Variants in KCNB2 observed in about 807,000 individuals in gnomAD.
KCNB2 encodes the protein delayed rectifier potassium channel protein.
A neutral mutation model predicts 61.5 loss-of-function variants in KCNB2; 15 were observed. The observed-to-expected ratio is 0.24, with a 90% CI of 0.16 to 0.38. The LOEUF (loss-of-function observed/expected upper bound fraction) is 0.38, where lower values mean the gene tolerates loss of function less well. Among genes scored for constraint, KCNB2 ranks in the 10% least tolerant of loss-of-function variants. The pLI is 1.00. For synonymous variants in KCNB2, 457 were observed against 446.0 expected, an observed-to-expected ratio of 1.02 and a Z score of -0.31; for missense variants, 828 against 1,125.2, an observed-to-expected ratio of 0.74 and a Z score of 3.78.
chr8:72,754,595 G>A lies in KCNB2; in HGVS notation c.580-181340G>A, dbSNP rs185281411. ...AGTTGTGGCTAGACCCCAGCTTTTCGGCTATCCAGAAGACAGAAAATGAAT... is the reference window on the plus strand; with the variant it reads ...AGTTGTGGCTAGACCCCAGCTTTTCAGCTATCCAGAAGACAGAAAATGAAT... On this transcript the variant is annotated intron_variant, in intron 2 of 2. Coordinates refer to ENST00000523207, the MANE Select transcript of KCNB2 (RefSeq NM_004770.3). Among the ~76,000 whole-genome samples the A allele has an allele frequency of 1.4e-4, 21 of 152,222 alleles. No individual in the cohort carries two copies. In the East Asian group the frequency reaches 3.5e-3, roughly 25 times the overall value.
At chr8:72,753,962 T>C (rs975930273) in intron 2 of KCNB2, among the ~76,000 whole-genome samples, 2 of 152,082 alleles carry the variant, frequency 1.3e-5, no homozygotes, top group African/African-American at 4.8e-5. Flanking sequence ...ATTGCACCTG[T>C]TGGGTGAGGG....
chr8:72,671,296 C>A (rs985540350), intron 2 of KCNB2, among the ~76,000 whole-genome samples: 1 of 152,120 alleles, frequency 6.6e-6, no homozygotes, highest in African/African-American at 2.4e-5. Context: ...TGTACAAATA[C>A]TCTTCTTATT....
rs959653894 is a variant in KCNB2, at chr8:72,735,312, C to T, written c.579+166999C>T. On this transcript the variant is annotated intron_variant, in intron 2 of 2. Coordinates refer to ENST00000523207, the MANE Select transcript of KCNB2 (RefSeq NM_004770.3). Reference sequence around the variant, plus strand: ...ATAAGTATTGAGGCTTTTAAAAGTACTTTGATTAGAATCACATCATTTCCC... The same window carrying T: ...ATAAGTATTGAGGCTTTTAAAAGTATTTTGATTAGAATCACATCATTTCCC... Among the ~76,000 whole-genome samples the T allele has an allele frequency of 9.2e-5, 14 of 152,184 alleles. No homozygotes were observed. The East Asian group carries it at 2.5e-3, about 27-fold the overall frequency.
chr8:72,930,025 C>A (rs546937344), intron 2 of KCNB2, among the ~76,000 whole-genome samples: 2 of 147,020 alleles, frequency 1.4e-5, no homozygotes, highest in African/African-American at 5.1e-5. Flanking sequence ...GTTCAATTCC[C>A]ACCTATGAGT....
chr8:72,792,243 T>C (rs1393333064), intron 2 of KCNB2, among the ~76,000 whole-genome samples: 1 of 152,176 alleles, frequency 6.6e-6, no homozygotes, highest in Admixed American at 6.5e-5. Flanking sequence ...CAAAACCCCT[T>C]TGTGCCTCTC....
intron 2 of KCNB2, among the ~76,000 whole-genome samples, chr8:72,656,877 C>T (rs138593234): frequency 0.021 from 3,161 of 152,164 alleles, 43 homozygotes; most frequent in Non-Finnish European, 0.032. Flanking sequence ...AGCTCACTTT[C>T]TCATTATCGG....
chr8:72,706,883 A>T lies in KCNB2; in HGVS notation c.579+138570A>T, dbSNP rs1212740691. 4.6e-5 allele frequency among the ~76,000 whole-genome samples: 7 copies of T among 152,304 alleles called. No homozygotes were observed. In the East Asian group the frequency reaches 1.4e-3, roughly 29 times the overall value. On this transcript the variant is annotated intron_variant, in intron 2 of 2. Coordinates refer to ENST00000523207, the MANE Select transcript of KCNB2 (RefSeq NM_004770.3). Reference sequence around the variant, plus strand: ...CCACAGTCCCAGTCTCTGTTCATGAATCTGTTTGTTAAGGGTTTGTGCTGC... The same window carrying T: ...CCACAGTCCCAGTCTCTGTTCATGATTCTGTTTGTTAAGGGTTTGTGCTGC...
At chr8:72,844,107 C>T (rs921743458) in intron 2 of KCNB2, among the ~76,000 whole-genome samples, 3 of 152,188 alleles carry the variant, frequency 2.0e-5, no homozygotes, top group African/African-American at 7.2e-5. Context: ...GTGCTTCCTT[C>T]AGGAGCTCTT....
intron 2 of KCNB2, among the ~76,000 whole-genome samples, chr8:72,725,541 G>GTATATATA (rs1484909320): frequency 1.7e-4 from 13 of 74,696 alleles, no homozygotes; most frequent in African/African-American, 5.6e-4. Context: ...ATATATATAT[G>GTATATATA]TGTGTATATA....
intron 2 of KCNB2, among the ~76,000 whole-genome samples, chr8:72,796,620 G>A (rs1000542563): frequency 4.6e-5 from 7 of 152,178 alleles, no homozygotes; most frequent in Admixed American, 2.6e-4. Flanking sequence ...TAATAAGATT[G>A]GGATTAATGT....
intron 2 of KCNB2, among the ~76,000 whole-genome samples, chr8:72,882,548 A>AGAGAGAGG (rs1805732767): frequency 6.6e-6 from 1 of 151,206 alleles, no homozygotes; most frequent in Non-Finnish European, 1.5e-5. Flanking sequence ...AGAGAGAGAG[A>AGAGAGAGG]GAGAGAGAAT....
chr8:72,573,263 T>C (rs557843572), intron 2 of KCNB2, among the ~76,000 whole-genome samples: 2 of 152,200 alleles, frequency 1.3e-5, no homozygotes, highest in South Asian at 2.1e-4. Flanking sequence ...GTTATTCTAA[T>C]GCTTTGAATG....
intron 2 of KCNB2, among the ~76,000 whole-genome samples, chr8:72,762,882 A>T (rs1424065794): frequency 7.1e-6 from 1 of 141,618 alleles, no homozygotes; most frequent in Non-Finnish European, 1.5e-5. Flanking sequence ...CATATTAACA[A>T]ATATATATAT....
At chr8:72,734,113 T>C (rs905050510) in intron 2 of KCNB2, among the ~76,000 whole-genome samples, 3 of 152,218 alleles carry the variant, frequency 2.0e-5, no homozygotes, top group African/African-American at 7.2e-5. Flanking sequence ...TAGATACTCC[T>C]TTAAGATGTA....
intron 2 of KCNB2, among the ~76,000 whole-genome samples, chr8:72,665,332 G>A (rs1806450244): frequency 6.6e-6 from 1 of 152,202 alleles, no homozygotes; most frequent in Non-Finnish European, 1.5e-5. Flanking sequence ...GCTTTTAGCT[G>A]CAACCGCTGG....
chr8:72,926,597 A>T (rs1314728015), intron 2 of KCNB2, among the ~76,000 whole-genome samples: 2 of 152,146 alleles, frequency 1.3e-5, no homozygotes, highest in Non-Finnish European at 2.9e-5. Context: ...AATAAATATT[A>T]TTTGGAAAGA....
At chr8:72,538,680 G>A (rs1021491945) in intron 1 of KCNB2, among the ~76,000 whole-genome samples, 1 of 151,676 alleles carries the variant, frequency 6.6e-6, no homozygotes, top group Non-Finnish European at 1.5e-5. Flanking sequence ...GGTTAATTCC[G>A]CGCAGGTTCA....
chr8:72,665,752 C>T (rs778350115), intron 2 of KCNB2, among the ~76,000 whole-genome samples: 7 of 123,374 alleles, frequency 5.7e-5, no homozygotes, highest in Non-Finnish European at 8.7e-5. Flanking sequence ...GGTTGTGTTA[C>T]TCCCAGCCAA....
intron 2 of KCNB2, among the ~76,000 whole-genome samples, chr8:72,784,287 A>G (rs1461523256): frequency 6.6e-6 from 1 of 152,136 alleles, no homozygotes; most frequent in Non-Finnish European, 1.5e-5. Flanking sequence ...ACCTCTGGTA[A>G]CCACCATTCT....
Sources: gnomAD v4.1 joint callset for allele counts (sites outside exome capture counted in the v4.1 genomes callset) on GRCh38, gnomAD v4.1.1 for gene constraint, MANE v1.5 for transcripts, NCBI Gene and HGNC (gene_info 2026-07-23, HGNC 2026-07-21) for gene names.